RGS5: variants seen among roughly 807,000 people sequenced by gnomAD.
The protein encoded by RGS5 is regulator of G protein signaling 5.
Under a neutral mutation model 18.9 loss-of-function variants are expected in RGS5, and 20 were observed. That is an observed-to-expected ratio of 1.06 (90% CI 0.74 to 1.54). The LOEUF is 1.54. Among genes scored for constraint, RGS5 ranks in the 40% most tolerant of loss-of-function variants. RGS5 has a pLI of 0.00. For missense variants in RGS5, 201 were observed against 211.8 expected (o/e 0.95, Z 0.32); for synonymous variants, 57 against 76.2 (o/e 0.75, Z 1.31).
At chr1:163,317,359 G>T (rs1650054657) in intron 1 of RGS5, among the ~76,000 whole-genome samples, 1 of 152,146 alleles carries the variant, frequency 6.6e-6, no homozygotes, top group Non-Finnish European at 1.5e-5. Context: ...GCTTGTTTAA[G>T]AAACTCTATC....
intron 1 of RGS5, among the ~76,000 whole-genome samples, chr1:163,309,611 C>A (rs1329631457): frequency 2.0e-5 from 3 of 152,070 alleles, no homozygotes; most frequent in African/African-American, 7.2e-5. Flanking sequence ...AGTTCTCTTG[C>A]TATTTCCATC....
chr1:163,309,319 T>C (rs1649790370), intron 1 of RGS5, among the ~76,000 whole-genome samples: 1 of 152,190 alleles, frequency 6.6e-6, no homozygotes, highest in Non-Finnish European at 1.5e-5. Context: ...GATTTCTCTG[T>C]AGAATGTGAT....
rs1453400802 is a variant in RGS5, at chr1:163,145,566, G to T, written c.*1776C>A. The stretch of plus-strand genomic sequence containing the variant: ...CCTAGCTCTGGACTGCTTGATGAAG[G>T]AGTTTCTTTGAAGTGAGCAATACTG... On this transcript the variant is annotated 3_prime_UTR_variant, in exon 5 of 5. Transcript: ENST00000313961. 2 of 152,102 alleles carry T rather than the reference G, an allele frequency of 1.3e-5. No homozygotes were observed. Among genetic ancestry groups the T allele is most frequent in the Non-Finnish European group, 2.9e-5 (2 of 68,034 alleles). 9.4% of individuals were successfully genotyped at this position (152,102 alleles called of 1,614,324 possible). A position where few individuals can be genotyped will look rare whatever the true frequency, so the allele number is the denominator to read the frequency against.
chr1:163,311,045 T>G (rs1649844882), intron 1 of RGS5, among the ~76,000 whole-genome samples: 1 of 152,230 alleles, frequency 6.6e-6, no homozygotes, highest in Non-Finnish European at 1.5e-5. Context: ...GATCTCTCCC[T>G]TGATACATGG....
chr1:163,261,443 C>G (rs961167251), intron 2 of RGS5, among the ~76,000 whole-genome samples: 5 of 152,188 alleles, frequency 3.3e-5, no homozygotes, highest in Admixed American at 3.3e-4. Context: ...CTAGGTCCAT[C>G]CTCTGCTCTT....
At chr1:163,210,745 T>G (rs1238412385) in intron 1 of RGS5, 2 of 152,166 alleles carry the variant, frequency 1.3e-5, no homozygotes, top group Non-Finnish European at 2.9e-5. Flanking sequence ...TTTAAAAAAT[T>G]TTTTTCCATG....
chr1:163,170,595 G>A (rs1571234627), intron 1 of RGS5, among the ~76,000 whole-genome samples: 1 of 152,056 alleles, frequency 6.6e-6, no homozygotes, highest in African/African-American at 2.4e-5. Context: ...GGAAACCTGT[G>A]GTAACTTATA....
intron 1 of RGS5, chr1:163,211,271 A>T (rs1660095641): frequency 6.6e-6 from 1 of 152,190 alleles, no homozygotes; most frequent in Non-Finnish European, 1.5e-5. Flanking sequence ...AGGAGCCATA[A>T]GGTTAATTAT....
intron 2 of RGS5, among the ~76,000 whole-genome samples, chr1:163,261,403 TAC>T (rs775852611): frequency 1.1e-4 from 17 of 152,224 alleles, no homozygotes; most frequent in Non-Finnish European, 1.9e-4. Context: ...CCTCCCTGCA[TAC>T]ATAGTCTAAG....
At chr1:163,243,578 C>T (rs776281075) in intron 2 of RGS5, among the ~76,000 whole-genome samples, 12 of 132,710 alleles carry the variant, frequency 9.0e-5, no homozygotes, top group Admixed American at 3.5e-4. Flanking sequence ...ACCCGGGAGG[C>T]GGAGCTTGCA....
At chr1:163,253,881 ATGAG>A (rs1039334784) in intron 2 of RGS5, among the ~76,000 whole-genome samples, 122 of 147,456 alleles carry the variant, frequency 8.3e-4, no homozygotes, top group African/African-American at 2.8e-3. Context: ...GTTCCTACCT[ATGAG>A]TGAGAATATG....
intron 2 of RGS5, among the ~76,000 whole-genome samples, chr1:163,300,941 T>C (rs1649536914): frequency 6.6e-6 from 1 of 152,092 alleles, no homozygotes; most frequent in Non-Finnish European, 1.5e-5. Flanking sequence ...GTGTTGTGCA[T>C]AGGAATAAGT....
At chr1:163,312,479 C>T (rs757453666) in intron 1 of RGS5, among the ~76,000 whole-genome samples, 13 of 152,058 alleles carry the variant, frequency 8.5e-5, no homozygotes, top group Non-Finnish European at 1.6e-4. Flanking sequence ...GGTAGCTGAA[C>T]TAAATTTGGC....
At position 163,147,495 on chromosome 1, in the gene RGS5, A is replaced by C; in HGVS notation, c.393T>G (p.Ile131Met). ...IQTEAPKEVNIDHFTKDITMK... is the reference protein window; with the variant it reads ...IQTEAPKEVNMDHFTKDITMK... Reference sequence around the variant, plus strand: ...TTGTGATGTCCTTAGTGAAGTGGTCAATATTCACCTGTGGGCCAGGAAACA... The same window carrying C: ...TTGTGATGTCCTTAGTGAAGTGGTCCATATTCACCTGTGGGCCAGGAAACA... Residue 131 changes from isoleucine (I) to methionine (M), a missense_variant, in exon 5 of 5, where the codon ATT (isoleucine) becomes ATG (methionine). By Grantham distance (10) the Ile-to-Met change is conservative. Coordinates refer to ENST00000313961, the MANE Select transcript of RGS5 (RefSeq NM_003617.4). The C allele has an allele frequency of 6.3e-7, 1 of 1,588,994 alleles. No homozygotes were observed. Among genetic ancestry groups the C allele is most frequent in the Non-Finnish European group, 8.5e-7 (1 of 1,169,658 alleles).
chr1:163,203,318 G>C (rs1246177700), upstream of RGS5, among the ~76,000 whole-genome samples: 1 of 152,170 alleles, frequency 6.6e-6, no homozygotes, highest in African/African-American at 2.4e-5. Flanking sequence ...TTGTTTCACA[G>C]TGAAGGAAAC....
upstream of RGS5, among the ~76,000 whole-genome samples, chr1:163,206,474 G>A (rs564585630): frequency 1.3e-5 from 2 of 152,064 alleles, no homozygotes; most frequent in East Asian, 3.9e-4. Flanking sequence ...GGTATTCCAG[G>A]TCATTTTTTA....
chr1:163,293,630 C>CAATT (rs1649350031), intron 2 of RGS5, among the ~76,000 whole-genome samples: 1 of 152,128 alleles, frequency 6.6e-6, no homozygotes, highest in African/African-American at 2.4e-5. Flanking sequence ...TTTCAAAACA[C>CAATT]AATTATGCCT....
intron 2 of RGS5, among the ~76,000 whole-genome samples, chr1:163,303,544 A>T (rs535175988): frequency 2.0e-5 from 3 of 152,340 alleles, no homozygotes; most frequent in African/African-American, 7.2e-5. Flanking sequence ...AACGTCAGAG[A>T]GCTATAAGGA....
At chr1:163,210,415 G>A (rs1660077355) in intron 1 of RGS5, among the ~76,000 whole-genome samples, 1 of 152,130 alleles carries the variant, frequency 6.6e-6, no homozygotes, top group African/African-American at 2.4e-5. Context: ...AACTGTTCTT[G>A]TTCTAGTTTT....
Sources: allele counts gnomAD v4.1 joint callset (sites outside exome capture counted in the v4.1 genomes callset), GRCh38; gene constraint gnomAD v4.1.1; transcripts MANE v1.5; gene names NCBI Gene and HGNC (gene_info 2026-07-23, HGNC 2026-07-21).